The following AGBL3 variants were observed in gnomAD, a reference collection of about 807,000 sequenced individuals.
AGBL3 encodes the protein AGBL carboxypeptidase 3, also known as cytosolic carboxypeptidase 3.
Under a neutral mutation model 94.5 loss-of-function variants are expected in AGBL3, and 68 were observed. That is an observed-to-expected ratio of 0.72 (90% CI 0.59 to 0.88). The LOEUF is 0.88. AGBL3 is among the 40% of genes least tolerant of loss of function. The pLI, the probability that AGBL3 is intolerant of heterozygous loss-of-function variation, is 0.00. For missense variants in AGBL3, 934 were observed against 1,103.8 expected (o/e 0.85, Z 2.18); for synonymous variants, 354 against 370.7 (o/e 0.95, Z 0.52).
intron 15 of AGBL3, chr7:135,092,250 C>T (rs1218171776): frequency 6.6e-6 from 1 of 152,186 alleles, no homozygotes; most frequent in Non-Finnish European, 1.5e-5. Context: ...AGCTGAGGAA[C>T]TCTGCTCTTT....
rs1469560274 is a variant in AGBL3 at position 135,134,458 on chromosome 7, A to G, written c.2343-383A>G. ...TATAGAAAAAAATCTCATAGCATAT[A>G]TACTGAATCCATTCTAATAGAATAA... On this transcript the variant is annotated intron_variant, in intron 16 of 16. Transcript: ENST00000436302. Among the ~76,000 whole-genome samples, 5 of 152,240 alleles carry G rather than the reference A, an allele frequency of 3.3e-5. No homozygotes were observed. In the East Asian group the frequency reaches 5.8e-4, roughly 18 times the overall value.
Position 135,034,467 on chromosome 7 carries a change from C to G in AGBL3, c.876C>G (p.Thr292=). ...WTFQFPHNKD[T]CYFAHCYPYT... is the part of the protein sequence containing the mutation. The stretch of plus-strand genomic sequence containing the variant: ...TTCAATTTCCACACAACAAAGATAC[C>G]TGCTACTTTGCTCATTGCTATCCAT... Residue 292 remains threonine, a synonymous_variant, in exon 7 of 17, where the codon ACC becomes ACG. Transcript: ENST00000436302. 6.4e-7 allele frequency: 1 copy of G among 1,551,780 alleles called. No homozygotes were observed. The highest frequency in any genetic ancestry group is 8.7e-7 in the Non-Finnish European group (1 of 1,147,000).
intron 16 of AGBL3, among the ~76,000 whole-genome samples, chr7:135,121,671 G>GT (rs775394223): frequency 6.6e-6 from 1 of 152,088 alleles, no homozygotes; most frequent in Non-Finnish European, 1.5e-5. Flanking sequence ...GCGGCATTCG[G>GT]AGGCTCCCAT....
At chr7:135,041,388 G>A (rs1422939878) in intron 8 of AGBL3, among the ~76,000 whole-genome samples, 2 of 152,164 alleles carry the variant, frequency 1.3e-5, no homozygotes, top group African/African-American at 2.4e-5. Context: ...AATAAAGATA[G>A]TATGTTAATA....
At chr7:135,077,168 T>C (rs570860139) in intron 13 of AGBL3, among the ~76,000 whole-genome samples, 20 of 114,542 alleles carry the variant, frequency 1.7e-4, no homozygotes, top group Admixed American at 4.5e-4. Flanking sequence ...CAGTATGTCT[T>C]ATTCTTCCCC....
chr7:135,102,236 C>T (rs1823943711), intron 15 of AGBL3, among the ~76,000 whole-genome samples: 1 of 152,134 alleles, frequency 6.6e-6, no homozygotes, highest in Non-Finnish European at 1.5e-5. Flanking sequence ...ATCTGCTGAG[C>T]TTCAATGGAA....
intron 3 of AGBL3, 33 bp downstream of exon 3, chr7:134,989,343 A>C (rs1314119165): frequency 6.9e-7 from 1 of 1,454,486 alleles, no homozygotes; most frequent in South Asian, 1.4e-5. Flanking sequence ...TTTGTTTAGC[A>C]TAAAACTTTG....
intron 5 of AGBL3, among the ~76,000 whole-genome samples, chr7:135,022,038 G>GGT (rs1408536461): frequency 1.0e-3 from 156 of 152,220 alleles, no homozygotes; most frequent in African/African-American, 3.3e-3. Context: ...TGGTGTATTT[G>GGT]TACCATATTT....
intron 15 of AGBL3, among the ~76,000 whole-genome samples, chr7:135,114,960 G>A (rs1826121699): frequency 6.6e-6 from 1 of 152,024 alleles, no homozygotes; most frequent in African/African-American, 2.4e-5. Flanking sequence ...TTTCCCTTTT[G>A]TTCATTCTAC....
intron 5 of AGBL3, among the ~76,000 whole-genome samples, chr7:135,027,208 C>T (rs542590249): frequency 2.0e-5 from 3 of 151,364 alleles, no homozygotes; most frequent in African/African-American, 4.8e-5. Context: ...CCACCATGTT[C>T]GGCTAATTTT....
chr7:135,129,249 A>G, intron 16 of AGBL3: 3 of 1,518,996 alleles, frequency 2.0e-6, no homozygotes, highest in Non-Finnish European at 2.7e-6. Context: ...CATCATGGGT[A>G]TCTGCTCCAG....
chr7:135,081,242 G>A (rs10954482), intron 14 of AGBL3, among the ~76,000 whole-genome samples: 67,081 of 151,802 alleles, frequency 0.44, 15,467 homozygotes, highest in East Asian at 0.78. Context: ...TTTTAAACGC[G>A]TTCCTATATT....
In AGBL3 at chr7:135,042,526, G is replaced by A. The variant is rs536090713; in HGVS notation, c.1501-1499G>A. On this transcript the variant is annotated intron_variant, in intron 8 of 16. Transcript: ENST00000436302. ...TGCCAGGGGTTAGAGGTGGCAGGAG[G>A]GTGTGACTATAACTATCCTATTAGG... 2.6e-5 allele frequency among the ~76,000 whole-genome samples: 4 copies of A among 152,174 alleles called. No individual in the cohort carries two copies. In the South Asian group the frequency reaches 8.3e-4, roughly 32 times the overall value.
intron 11 of AGBL3, chr7:135,051,114 G>A: frequency 2.5e-6 from 1 of 397,584 alleles, no homozygotes; most frequent in Admixed American, 3.4e-5. Flanking sequence ...GAATATAGTT[G>A]GAAGAAAGAA....
At chr7:135,119,597 G>C (rs912903036) in intron 16 of AGBL3, among the ~76,000 whole-genome samples, 3 of 151,910 alleles carry the variant, frequency 2.0e-5, no homozygotes, top group South Asian at 2.1e-4. Context: ...AGTCAGAGAG[G>C]CTGGGCACAG....
At chr7:135,132,661 C>T (rs761246189) in intron 16 of AGBL3, among the ~76,000 whole-genome samples, 10 of 152,234 alleles carry the variant, frequency 6.6e-5, no homozygotes, top group East Asian at 5.8e-4. Flanking sequence ...ATACTCTTCT[C>T]GTGGTACTGA....
intron 15 of AGBL3, among the ~76,000 whole-genome samples, chr7:135,110,728 A>G (rs1825513635): frequency 6.6e-6 from 1 of 151,754 alleles, no homozygotes; most frequent in Non-Finnish European, 1.5e-5. Flanking sequence ...GTGTTCACTC[A>G]CTCCTTCAGT....
At chr7:135,065,371 A>C (rs2116730341) in intron 12 of AGBL3, among the ~76,000 whole-genome samples, 1 of 152,358 alleles carries the variant, frequency 6.6e-6, no homozygotes, top group South Asian at 2.1e-4. Flanking sequence ...GAATAGCTAA[A>C]GCAAACTTGA....
intron 15 of AGBL3, among the ~76,000 whole-genome samples, chr7:135,108,231 T>C (rs1825061425): frequency 6.6e-6 from 1 of 152,196 alleles, no homozygotes. Context: ...TTAGTATTGA[T>C]ATGTGTGGAT....
Sources: allele counts gnomAD v4.1 joint callset (sites outside exome capture counted in the v4.1 genomes callset), GRCh38; gene constraint gnomAD v4.1.1; transcripts MANE v1.5; gene names NCBI Gene and HGNC (gene_info 2026-07-23, HGNC 2026-07-21).